Variants in ACOX2 observed in about 807,000 individuals in gnomAD.
ACOX2 encodes peroxisomal acyl-coenzyme A oxidase 2.
In ACOX2, 59 loss-of-function variants were observed where a neutral mutation model predicts 77.5. The ratio of observed to expected loss-of-function variants is 0.76; its 90% CI spans 0.62 to 0.95. The LOEUF (loss-of-function observed/expected upper bound fraction) is 0.95, where lower values mean the gene tolerates loss of function less well. Among genes scored for constraint, ACOX2 ranks in the 40% least tolerant of loss-of-function variants. The pLI, the probability that ACOX2 is intolerant of heterozygous loss-of-function variation, is 0.00. For missense variants in ACOX2, 837 were observed against 880.4 expected (o/e 0.95, Z 0.62); for synonymous variants, 317 against 340.1 (o/e 0.93, Z 0.75).
rs2107994527 is a variant in ACOX2, at chr3:58,517,539, G to A, written c.1633-116C>T. The A allele has an allele frequency of 6.6e-6, 6 of 907,292 alleles. No homozygotes were observed. The South Asian group carries it at 7.5e-5, about 11-fold the overall frequency. 56.2% of individuals were successfully genotyped at this position (907,292 alleles called of 1,614,324 possible). ...TGAGGCATGATGTGCTTCCCAGCAG[G>A]CTGATGAGCAGCTGCCTTTTCTCCT... On this transcript the variant is annotated intron_variant, in intron 12 of 14. Coordinates refer to ENST00000302819, the MANE Select transcript of ACOX2 (RefSeq NM_003500.4).
chr3:58,515,804 G>A lies in ACOX2; in HGVS notation c.1850+1402C>T, dbSNP rs141959795. ...TTTTCTTTCCTTTTTTTGAGACAAG[G>A]TCTCACTTTGTTGCCCAGGCTGGAG... On this transcript the variant is annotated intron_variant, in intron 13 of 14. Transcript: ENST00000302819. The surrounding 1 kb of genome is among the most constrained non-coding windows in gnomAD (Gnocchi z 4.0). 6.6e-6 allele frequency among the ~76,000 whole-genome samples: 1 copy of A among 151,980 alleles called. No homozygotes were observed. Among genetic ancestry groups the A allele is most frequent in the East Asian group, 1.9e-4 (1 of 5,176 alleles).
At position 58,528,795 on chromosome 3, in the gene ACOX2, TC is replaced by T; in HGVS notation, c.1153del (p.Glu385SerfsTer5). The T allele has an allele frequency of 6.2e-7, 1 of 1,607,094 alleles. No homozygotes were observed. Among genetic ancestry groups the T allele is most frequent in the Non-Finnish European group, 8.5e-7 (1 of 1,176,550 alleles). ...TGCCCCTCCGCAGACAGCAGGTACC[TC>T]AGGCAGGAAGCTGAAGTCTTGGTTC... ...ILNQDFSFLPELHALSTGMKA... is the reference protein window; with the variant it reads ...ILNQDFSFLPXLHALSTGMKA... On this transcript the variant is annotated frameshift_variant and splice_region_variant, in exon 9 of 15. Coordinates refer to ENST00000302819, the MANE Select transcript of ACOX2 (RefSeq NM_003500.4). LOFTEE classifies it high-confidence loss of function. This position sits in a 1 kb window ranked among gnomAD's most constrained non-coding sequence, Gnocchi z 5.6.
At chr3:58,506,826 T>C (rs2063237860) in intron 14 of ACOX2, among the ~76,000 whole-genome samples, 1 of 152,172 alleles carries the variant, frequency 6.6e-6, no homozygotes, top group South Asian at 2.1e-4. Context: ...ATAAAATATC[T>C]GTAGTGTGCC....
Position 58,512,254 on chromosome 3 carries a change from T to C in ACOX2, c.1851-3229A>G, listed in dbSNP as rs1475007309. ...CTCTTCTTTCTCACCATACATCTAA[T>C]CTGTCAGCAAATCCTGTTCTGCCTT... On this transcript the variant is annotated intron_variant, in intron 13 of 14. Transcript: ENST00000302819. This position sits in a 1 kb window ranked among gnomAD's most constrained non-coding sequence, Gnocchi z 4.8. Among the ~76,000 whole-genome samples, 1 of 152,232 alleles carries C rather than the reference T, an allele frequency of 6.6e-6. No individual in the cohort carries two copies. Among genetic ancestry groups the C allele is most frequent in the African/African-American group, 2.4e-5 (1 of 41,470 alleles).
rs764059952 is a variant in ACOX2 at position 58,517,195 on chromosome 3, C to T, written c.1850+11G>A. The stretch of plus-strand genomic sequence containing the variant: ...TGAAGACTAACATGGTTTGAAGTCT[C>T]TGCCACTCACCGGATCAGGCGGAGC... On this transcript the variant is annotated intron_variant, in intron 13 of 14. Coordinates refer to ENST00000302819, the MANE Select transcript of ACOX2 (RefSeq NM_003500.4). 15 of 1,612,932 alleles carry T rather than the reference C, an allele frequency of 9.3e-6. No individual in the cohort carries two copies. Among genetic ancestry groups the T allele is most frequent in the Non-Finnish European group, 1.0e-5 (12 of 1,179,614 alleles).
At position 58,528,931 on chromosome 3, in the gene ACOX2, A is replaced by G. The variant is rs749144700; in HGVS notation, c.1018T>C (p.Tyr340His). 2.5e-6 allele frequency: 4 copies of G among 1,612,792 alleles called. No homozygotes were observed. Among genetic ancestry groups the G allele is most frequent in the Non-Finnish European group, 3.4e-6 (4 of 1,179,390 alleles). The change falls in exon 9 of 15, where the codon TAC (tyrosine) becomes CAC (histidine). Residue 340 changes from tyrosine (Y) to histidine (H), a missense_variant. By Grantham distance (83) the Tyr-to-His change is moderately conservative. Coordinates refer to ENST00000302819, the MANE Select transcript of ACOX2 (RefSeq NM_003500.4). The surrounding 1 kb of genome is among the most constrained non-coding windows in gnomAD (Gnocchi z 5.6). ...AAGAGTTTCTGCTGTTGTGTCTGGT[A>G]GTCCAGGACCTTTGCCTCTGGGTCA... The part of the protein sequence containing the change: ...PSDPEAKVLD[Y>H]QTQQQKLFPQ...
At position 58,530,508 on chromosome 3, in the gene ACOX2, A is replaced by T. The variant is rs754790768; in HGVS notation, c.950T>A (p.Met317Lys). The T allele has an allele frequency of 6.2e-7, 1 of 1,614,248 alleles. No homozygotes were observed. Among genetic ancestry groups the T allele is most frequent in the Non-Finnish European group, 8.5e-7 (1 of 1,180,036 alleles). ...TTGGCGGCGGATGACCGAGTAGCGC[A>T]TGGCGATGACACAGGCCTTCTGCAG... ...PILQKACVIA[M>K]RYSVIRRQSR... The change falls in exon 8 of 15, where the codon ATG becomes AAG. Residue 317 changes from methionine to lysine, a missense_variant. Physicochemically the swap from Met to Lys is moderately conservative, Grantham distance 95. Transcript: ENST00000302819.
rs1427792447 is a variant in ACOX2 at position 58,533,312 on chromosome 3, A to C, written c.583+133T>G. 3.9e-6 allele frequency: 3 copies of C among 774,608 alleles called. No individual in the cohort carries two copies. Among genetic ancestry groups the C allele is most frequent in the Non-Finnish European group, 6.5e-6 (3 of 463,256 alleles). The allele number at this position is 774,608 out of a possible 1,614,324, so 48.0% of individuals were successfully genotyped here. A position where few individuals can be genotyped will look rare whatever the true frequency, so the allele number is the denominator to read the frequency against. ...ACCTGAGGCTCAGGTTGGTGAACTG[A>C]CTTGCCCAAGGTCAGCAGCCTAGAA... On this transcript the variant is annotated intron_variant, in intron 5 of 14. Coordinates refer to ENST00000302819, the MANE Select transcript of ACOX2 (RefSeq NM_003500.4). This position sits in a 1 kb window ranked among gnomAD's most constrained non-coding sequence, Gnocchi z 5.6.
At chr3:58,529,480 A>G (rs2063421156) in intron 8 of ACOX2, among the ~76,000 whole-genome samples, 1 of 152,198 alleles carries the variant, frequency 6.6e-6, no homozygotes, top group Non-Finnish European at 1.5e-5. Flanking sequence ...TATGTCCGGC[A>G]TTTAGGAGCT....
intron 13 of ACOX2, chr3:58,511,532 T>C (rs2063287965): frequency 5.4e-6 from 1 of 186,450 alleles, no homozygotes; most frequent in Non-Finnish European, 1.1e-5. Flanking sequence ...CAAAAGCTTA[T>C]AACTGCAATC....
Position 58,534,672 on chromosome 3 carries a change from A to G in ACOX2, c.161-150T>C. ...GACAAAACTGAGGACCAAGGTGGGA[A>G]AGTGAATTGCCCAAGGTTACAAAGC... On this transcript the variant is annotated intron_variant, in intron 2 of 14. Transcript: ENST00000302819. The surrounding 1 kb of genome is among the most constrained non-coding windows in gnomAD (Gnocchi z 4.8). 6.6e-7 allele frequency: 1 copy of G among 1,524,740 alleles called. No individual in the cohort carries two copies. 94.5% of individuals were successfully genotyped at this position (1,524,740 alleles called of 1,614,324 possible). A position where few individuals can be genotyped will look rare whatever the true frequency, so the allele number is the denominator to read the frequency against.
intron 14 of ACOX2, among the ~76,000 whole-genome samples, chr3:58,507,315 G>T (rs148957058): frequency 1.1e-3 from 174 of 152,354 alleles, no homozygotes; most frequent in Non-Finnish European, 1.8e-3. Flanking sequence ...AGTGGAAGGA[G>T]ATAGAAGTGA....
At position 58,524,438 on chromosome 3, in the gene ACOX2, T is replaced by G. The variant is rs555672173; in HGVS notation, c.1514A>C (p.His505Pro). The change falls in exon 11 of 15, where the codon CAT becomes CCT. Residue 505 changes from histidine to proline, a missense_variant. His to Pro is a moderately conservative substitution (Grantham distance 77). Transcript: ENST00000302819. This position sits in a 1 kb window ranked among gnomAD's most constrained non-coding sequence, Gnocchi z 5.5. The part of the protein sequence containing the change: ...CPELYTTAWA[H>P]VAVRLIKDSV... ...AGCACTGGCTTACCTTACTGCCACATGTGCCCAGGCCGTGGTGTAGAGCTC... is the reference window on the plus strand; with the variant it reads ...AGCACTGGCTTACCTTACTGCCACAGGTGCCCAGGCCGTGGTGTAGAGCTC... The G allele has an allele frequency of 1.2e-6, 2 of 1,613,412 alleles. No homozygotes were observed. Among genetic ancestry groups the G allele is most frequent in the East Asian group, 4.5e-5 (2 of 44,858 alleles).
At position 58,522,236 on chromosome 3, in the gene ACOX2, G is replaced by T. The variant is rs539303331; in HGVS notation, c.1632+260C>A. Among the ~76,000 whole-genome samples the T allele has an allele frequency of 6.6e-6, 1 of 152,344 alleles. No individual in the cohort carries two copies. Among genetic ancestry groups the T allele is most frequent in the Non-Finnish European group, 1.5e-5 (1 of 68,034 alleles). On this transcript the variant is annotated intron_variant, in intron 12 of 14. Transcript: ENST00000302819. This position sits in a 1 kb window ranked among gnomAD's most constrained non-coding sequence, Gnocchi z 4.3. ...GGAGACTTGACCTGCTTTTCTATCTGGGAGGAAATATTTGAACAACCTGAA... is the reference window on the plus strand; with the variant it reads ...GGAGACTTGACCTGCTTTTCTATCTTGGAGGAAATATTTGAACAACCTGAA...
chr3:58,531,422 G>C lies in ACOX2; in HGVS notation c.704-56C>G. Reference sequence around the variant, plus strand: ...CAGTTGAGAGAGTGCTTGCTATGTGGCAGGTATCATACACACATTCCAGGT... The same window carrying C: ...CAGTTGAGAGAGTGCTTGCTATGTGCCAGGTATCATACACACATTCCAGGT... On this transcript the variant is annotated intron_variant, in intron 6 of 14. Coordinates refer to ENST00000302819, the MANE Select transcript of ACOX2 (RefSeq NM_003500.4). The surrounding 1 kb of genome is among the most constrained non-coding windows in gnomAD (Gnocchi z 5.8). 6.7e-7 allele frequency: 1 copy of C among 1,500,948 alleles called. No homozygotes were observed. The highest frequency in any genetic ancestry group is 9.2e-7 in the Non-Finnish European group (1 of 1,081,774). The allele number at this position is 1,500,948 out of a possible 1,614,324, so 93.0% of individuals were successfully genotyped here. A position where few individuals can be genotyped will look rare whatever the true frequency, so the allele number is the denominator to read the frequency against.
rs778537930 is a variant in ACOX2 at position 58,534,378 on chromosome 3, T to G, written c.305A>C (p.Glu102Ala). 5.6e-6 allele frequency: 9 copies of G among 1,614,162 alleles called. No individual in the cohort carries two copies. Among genetic ancestry groups the G allele is most frequent in the Non-Finnish European group, 7.6e-6 (9 of 1,180,008 alleles). The change falls in exon 3 of 15, where the codon GAA becomes GCA. Residue 102 changes from glutamate to alanine, a missense_variant. By Grantham distance (107) the Glu-to-Ala change is moderately radical. Coordinates refer to ENST00000302819, the MANE Select transcript of ACOX2 (RefSeq NM_003500.4). The surrounding 1 kb of genome is among the most constrained non-coding windows in gnomAD (Gnocchi z 4.8). ...TGAGCACCTGTAAGCGTAGCCTAAT[T>G]CACGACCATCTTCTAACCAACCCAG... ...RRLGWLEDGR[E>A]LGYAYRALSG...
chr3:58,517,613 T>TGGG (rs1344818121), intron 12 of ACOX2, among the ~76,000 whole-genome samples, 190 bp from the exon 13 acceptor site: 5 of 122,138 alleles, frequency 4.1e-5, no homozygotes, highest in East Asian at 2.6e-4. Flanking sequence ...ATGTGTGTGT[T>TGGG]GGGGGGGGGA....
chr3:58,534,353 T>C lies in ACOX2; in HGVS notation c.323+7A>G. The C allele has an allele frequency of 6.2e-7, 1 of 1,613,918 alleles. No homozygotes were observed. The highest frequency in any genetic ancestry group is 1.1e-5 in the South Asian group (1 of 91,056). On this transcript the variant is annotated splice_region_variant and intron_variant, in intron 3 of 14. Coordinates refer to ENST00000302819, the MANE Select transcript of ACOX2 (RefSeq NM_003500.4). The surrounding 1 kb of genome is among the most constrained non-coding windows in gnomAD (Gnocchi z 4.8). ...CTCTCTAGTGGGGCTGCTCGAGGAG[T>C]GAGCACCTGTAAGCGTAGCCTAATT...
chr3:58,511,067 A>C (rs1222068956), intron 13 of ACOX2: 2 of 456,562 alleles, frequency 4.4e-6, no homozygotes, highest in Non-Finnish European at 8.8e-6. Context: ...AATGAAGTGG[A>C]AGCAGTAAGA....
Sources: gnomAD v4.1 joint callset for allele counts (sites outside exome capture counted in the v4.1 genomes callset) on GRCh38, gnomAD v4.1.1 for gene constraint, Gnocchi (gnomAD v3.1) non-coding constraint, MANE v1.5 for transcripts, NCBI Gene and HGNC (gene_info 2026-07-23, HGNC 2026-07-21) for gene names.